Variants in PARP10 observed in about 807,000 individuals in gnomAD.
PARP10 encodes the protein protein mono-ADP-ribosyltransferase PARP10.
PARP10 carries 56 observed loss-of-function variants against 82.4 expected under a neutral mutation model. That is an observed-to-expected ratio of 0.68 (90% CI 0.55 to 0.85). The LOEUF is 0.85. PARP10 is among the 40% of genes least tolerant of loss of function. PARP10 has a pLI of 0.00. For synonymous variants in PARP10, 576 were observed against 601.1 expected (o/e 0.96, Z 0.61); for missense variants, 1,227 against 1,379.4 (o/e 0.89, Z 1.75).
intron 1 of PARP10, among the ~76,000 whole-genome samples, chr8:143,999,843 G>A (rs1554751572): frequency 6.6e-6 from 1 of 152,048 alleles, no homozygotes; most frequent in African/African-American, 2.4e-5. Context: ...TGGTGAACTG[G>A]AAGACAGGTC....
Position 143,982,968 on chromosome 8 carries a change from G to C in PARP10, c.2520C>G (p.Thr840=). 2 of 1,613,920 alleles carry C rather than the reference G, an allele frequency of 1.2e-6. No homozygotes were observed. The change falls in exon 9 of 11, where the codon ACC becomes ACG. Residue 840 remains threonine (T), a synonymous_variant. Coordinates refer to ENST00000313028, the MANE Select transcript of PARP10 (RefSeq NM_032789.5). ...GGATGCTGCTGCGGGCAGCGTCCAG[G>C]GTGTCGTAGAAGGCCCGCACCACCT... ...FQEVVRAFYD[T]LDAARSSIRV... is the part of the protein sequence containing the mutation.
Position 143,985,655 on chromosome 8 carries a change from G to A in PARP10, c.437-7C>T. ...TCCTCCAGGACACGGACATCTGTGG[G>A]GTATGTGCAGGTCAGCTCAGGGAAT... On this transcript the variant is annotated splice_polypyrimidine_tract_variant and splice_region_variant and intron_variant, in intron 3 of 10. Coordinates refer to ENST00000313028, the MANE Select transcript of PARP10 (RefSeq NM_032789.5). 1 of 1,611,968 alleles carries A rather than the reference G, an allele frequency of 6.2e-7. No individual in the cohort carries two copies. The highest frequency in any genetic ancestry group is 8.5e-7 in the Non-Finnish European group (1 of 1,179,278).
intron 1 of PARP10, chr8:144,012,392 G>A: frequency 2.6e-6 from 2 of 755,492 alleles, no homozygotes; most frequent in Non-Finnish European, 4.4e-6. Flanking sequence ...ACAATACCCA[G>A]GGCCCACTGG....
chr8:143,992,816 C>G, upstream of PARP10: 1 of 1,613,674 alleles, frequency 6.2e-7, no homozygotes, highest in Non-Finnish European at 8.5e-7. Flanking sequence ...TACATCCTCA[C>G]CATCATTGGC....
At position 143,978,052 on chromosome 8, in the gene PARP10, C is replaced by G; in HGVS notation, c.2586G>C (p.Gln862His). The G allele has an allele frequency of 6.5e-7, 1 of 1,549,244 alleles. No individual in the cohort carries two copies. The highest frequency in any genetic ancestry group is 8.7e-7 in the Non-Finnish European group (1 of 1,151,182). Residue 862 changes from glutamine to histidine, a missense_variant, in exon 10 of 11, where the codon CAG (glutamine) becomes CAC (histidine). Transcript: ENST00000313028. ...GCTCCCGGTACAGCTCATACTGCTG[C>G]TGCAGCAGCGGGTGCGACACGCGCT... ...RVERVSHPLL[Q>H]QQYELYRERL... is the part of the protein sequence containing the mutation.
At position 143,984,547 on chromosome 8, in the gene PARP10, A is replaced by G; in HGVS notation, c.1455T>C (p.Phe485=). The G allele has an allele frequency of 1.9e-6, 3 of 1,608,306 alleles. No individual in the cohort carries two copies. The highest frequency in any genetic ancestry group is 2.5e-6 in the Non-Finnish European group (3 of 1,177,124). Residue 485 remains phenylalanine, a synonymous_variant, in exon 5 of 11, where the codon TTT becomes TTC. Transcript: ENST00000313028. ...GGAGTCCTGAGGGGTCACTCACCCG[A>G]AAGCCAGTCATATCCGGTCCTTCAA... ...LPLEGPDMTG[F]RLCGAQASCQ...
chr8:143,990,803 G>C (rs1429469655), upstream of PARP10: 2 of 154,178 alleles, frequency 1.3e-5, no homozygotes, highest in Admixed American at 1.3e-4. The surrounding 1 kb of genome is among the most constrained non-coding windows in gnomAD (Gnocchi z 5.6). Context: ...GGGATGCGGA[G>C]GGGAGGGTCC....
chr8:143,991,203 C>T (rs527618588), upstream of PARP10: 27 of 1,540,296 alleles, frequency 1.8e-5, 1 homozygote, highest in Middle Eastern at 6.9e-4. Flanking sequence ...TCTCTAGGGG[C>T]GGACCGCGGA....
Position 143,985,857 on chromosome 8 carries a change from G to C in PARP10, c.300C>G (p.Thr100=). The part of the protein sequence containing the change: ...RLLLQGLPPG[T]TPQRLEQHVQ... The stretch of plus-strand genomic sequence containing the variant: ...CATGCTGCTCCAAGCGCTGGGGCGT[G>C]GTGCCAGGGGGCAGTCCTTGGAGCA... Residue 100 remains threonine, a synonymous_variant, in exon 3 of 11, where the codon ACC becomes ACG. Coordinates refer to ENST00000313028, the MANE Select transcript of PARP10 (RefSeq NM_032789.5). 6.2e-7 allele frequency: 1 copy of C among 1,608,912 alleles called. No individual in the cohort carries two copies. Among genetic ancestry groups the C allele is most frequent in the South Asian group, 1.1e-5 (1 of 90,876 alleles).
intron 1 of PARP10, among the ~76,000 whole-genome samples, chr8:144,009,578 C>T (rs949030213): frequency 3.3e-5 from 5 of 152,326 alleles, no homozygotes; most frequent in African/African-American, 9.6e-5. Context: ...ATACCTCTAA[C>T]GTGTATCTTT....
intron 1 of PARP10, among the ~76,000 whole-genome samples, chr8:144,002,773 C>G (rs1227632116): frequency 6.6e-6 from 1 of 151,988 alleles, no homozygotes; most frequent in African/African-American, 2.4e-5. Flanking sequence ...CAACACTATT[C>G]AAATTAAGAA....
At chr8:143,989,213 C>T (rs1834049402), upstream of PARP10, among the ~76,000 whole-genome samples, 1 of 152,216 alleles carries the variant, frequency 6.6e-6, no homozygotes, top group African/African-American at 2.4e-5. The surrounding 1 kb of genome is among the most constrained non-coding windows in gnomAD (Gnocchi z 4.3). Flanking sequence ...AGGCTGGCAG[C>T]AGGATGTACC....
chr8:143,989,139 C>T (rs1834048025), upstream of PARP10, among the ~76,000 whole-genome samples: 1 of 152,246 alleles, frequency 6.6e-6, no homozygotes, highest in Admixed American at 6.5e-5. The surrounding 1 kb of genome is among the most constrained non-coding windows in gnomAD (Gnocchi z 4.3). Context: ...GGACTCAGAG[C>T]GGCCTGGGAG....
Position 143,984,868 on chromosome 8 carries a change from G to A in PARP10, c.1134C>T (p.Ser378=). Residue 378 remains serine (S), a synonymous_variant, in exon 5 of 11, where the codon AGC becomes AGT. Transcript: ENST00000313028. Reference sequence around the variant, plus strand: ...GGCCTGCAGACCCCACAGGCCCCAGGCTCATGGGCCCCTCCTGTTCCTGCA... The same window carrying A: ...GGCCTGCAGACCCCACAGGCCCCAGACTCATGGGCCCCTCCTGTTCCTGCA... The part of the protein sequence containing the change: ...VGLQEQEGPM[S]LGPVGSAGPV... 1 of 1,613,740 alleles carries A rather than the reference G, an allele frequency of 6.2e-7. No homozygotes were observed. The highest frequency in any genetic ancestry group is 8.5e-7 in the Non-Finnish European group (1 of 1,179,898).
At position 143,982,906 on chromosome 8, in the gene PARP10, G is replaced by T. The variant is rs566312670; in HGVS notation, c.2556+26C>A. 4 of 1,611,086 alleles carry T rather than the reference G, an allele frequency of 2.5e-6. No homozygotes were observed. The East Asian group carries it at 8.9e-5, about 36-fold the overall frequency. ...GTGCAAGAGCCCAGGACGCCATGAG[G>T]CCAGAGAGACAGGGCATGGACTCAC... On this transcript the variant is annotated intron_variant, in intron 9 of 10. Transcript: ENST00000313028.
chr8:143,991,023 C>G (rs372819102), upstream of PARP10: 194 of 434,584 alleles, frequency 4.5e-4, 1 homozygote, highest in South Asian at 7.9e-3. Flanking sequence ...GCCGCCCGTC[C>G]GGTCCTCACG....
chr8:143,978,755 G>A (rs1190588565), intron 9 of PARP10, among the ~76,000 whole-genome samples: 3 of 152,128 alleles, frequency 2.0e-5, no homozygotes, highest in Non-Finnish European at 4.4e-5. Context: ...CTCCGAGGGA[G>A]CAGGTGAGGG....
upstream of PARP10, chr8:143,991,907 G>T: frequency 6.2e-7 from 1 of 1,612,774 alleles, no homozygotes; most frequent in Non-Finnish European, 8.5e-7. Flanking sequence ...TGCAGCTGTC[G>T]GTGACCCTGT....
intron 1 of PARP10, 56 bp downstream of exon 1, chr8:143,986,302 C>T (rs1054260870): frequency 1.2e-6 from 2 of 1,614,074 alleles, no homozygotes; most frequent in Non-Finnish European, 1.7e-6. Flanking sequence ...CCAGGCCCCT[C>T]CAAGGTGTGT....
Sources: gnomAD v4.1 joint callset for allele counts (sites outside exome capture counted in the v4.1 genomes callset) on GRCh38, gnomAD v4.1.1 for gene constraint, Gnocchi (gnomAD v3.1) non-coding constraint, MANE v1.5 for transcripts, NCBI Gene and HGNC (gene_info 2026-07-23, HGNC 2026-07-21) for gene names.